KANK1: variants seen among roughly 807,000 people sequenced by gnomAD.
KANK1 encodes KN motif and ankyrin repeat domain-containing protein 1.
KANK1 carries 109 observed loss-of-function variants against 106.2 expected under a neutral mutation model. The ratio of observed to expected loss-of-function variants is 1.03; its 90% CI spans 0.88 to 1.20. The LOEUF is 1.20. Ranked by LOEUF, KANK1 falls within the 50% of genes most tolerant of loss-of-function variation. The pLI is 0.00. For missense variants in KANK1, 2,399 were observed against 1,710.7 expected (o/e 1.40, Z -7.10); for synonymous variants, 873 against 652.2 (o/e 1.34, Z -5.16).
chr9:581,085 A>T (rs1432645354), intron 1 of KANK1, among the ~76,000 whole-genome samples: 1 of 151,882 alleles, frequency 6.6e-6, no homozygotes, highest in Non-Finnish European at 1.5e-5. Flanking sequence ...ACCTACCCAG[A>T]ACTCCTGGCC....
At chr9:595,479 T>G (rs1825987330) in intron 1 of KANK1, among the ~76,000 whole-genome samples, 1 of 151,902 alleles carries the variant, frequency 6.6e-6, no homozygotes, top group Non-Finnish European at 1.5e-5. Flanking sequence ...CCTGCTGCGA[T>G]ATAGGGTGTG....
intron 1 of KANK1, among the ~76,000 whole-genome samples, chr9:523,015 C>T (rs1280679880): frequency 1.3e-5 from 2 of 151,686 alleles, no homozygotes; most frequent in Non-Finnish European, 2.9e-5. Flanking sequence ...AGTTCTTGAT[C>T]TCTTTTCTGT....
At chr9:700,083 T>C (rs1273628349) in intron 2 of KANK1, among the ~76,000 whole-genome samples, 1 of 152,222 alleles carries the variant, frequency 6.6e-6, no homozygotes, top group East Asian at 1.9e-4. Context: ...AGGAGAAGCA[T>C]TTCAGGCTTC....
At chr9:485,741 C>G (rs879409737) in intron 3 of KANK1, among the ~76,000 whole-genome samples, 15 of 151,932 alleles carry the variant, frequency 9.9e-5, no homozygotes, top group Non-Finnish European at 2.2e-4. Context: ...TGTGGTGGCG[C>G]ATGCCTGTAA....
At chr9:528,136 C>T (rs779152262) in intron 1 of KANK1, among the ~76,000 whole-genome samples, 25 of 141,938 alleles carry the variant, frequency 1.8e-4, no homozygotes, top group Admixed American at 5.7e-4. Flanking sequence ...GACTCCGTCT[C>T]GGGAAAAAAA....
At chr9:606,323 G>A (rs1054222066) in intron 1 of KANK1, among the ~76,000 whole-genome samples, 3 of 138,738 alleles carry the variant, frequency 2.2e-5, no homozygotes, top group East Asian at 3.9e-4. Flanking sequence ...TTGGGAGGCC[G>A]AGGTGGGCAA....
chr9:538,243 C>G (rs948853174), intron 1 of KANK1, among the ~76,000 whole-genome samples: 1 of 151,930 alleles, frequency 6.6e-6, no homozygotes, highest in African/African-American at 2.4e-5. Flanking sequence ...GATCGTGTTG[C>G]AAAAAATGGG....
intron 2 of KANK1, 37 bp downstream of exon 2, chr9:677,046 T>C: frequency 6.3e-7 from 1 of 1,589,048 alleles, no homozygotes. Flanking sequence ...GTTAAATGTA[T>C]GTCTTTTCTC....
At chr9:642,439 A>G (rs1400317365) in intron 1 of KANK1, among the ~76,000 whole-genome samples, 2 of 151,004 alleles carry the variant, frequency 1.3e-5, no homozygotes. Flanking sequence ...ACTAAAAACT[A>G]CAAGAAGAGT....
In KANK1 at chr9:712,746, T is replaced by A. The variant is rs775996882; in HGVS notation, c.1980T>A (p.Ala660=). 31 of 1,613,832 alleles carry A rather than the reference T, an allele frequency of 1.9e-5. 2 individuals are homozygous for A. In the South Asian group the frequency reaches 3.3e-4, roughly 17 times the overall value. ...CTGAGGCTGTTAGCCAGGTGGAAGC[T>A]GCCGTCATGGCAGTGCCTCGTACTG... The part of the protein sequence containing the change: ...VNTEAVSQVE[A]AVMAVPRTAD... Residue 660 remains alanine (A), a synonymous_variant, in exon 3 of 12, where the codon GCT becomes GCA. Coordinates refer to ENST00000382297, the MANE Select transcript of KANK1 (RefSeq NM_015158.5).
chr9:698,921 C>A (rs1821966345), intron 2 of KANK1, among the ~76,000 whole-genome samples: 4 of 152,188 alleles, frequency 2.6e-5, no homozygotes, highest in Admixed American at 2.6e-4. Context: ...CAATAGCTTA[C>A]CAATGCATCT....
At chr9:566,862 C>T (rs758600393) in intron 1 of KANK1, among the ~76,000 whole-genome samples, 1 of 152,130 alleles carries the variant, frequency 6.6e-6, no homozygotes, top group Non-Finnish European at 1.5e-5. Flanking sequence ...TTAATTAGAT[C>T]CCATTTGTCA....
intron 1 of KANK1, among the ~76,000 whole-genome samples, chr9:603,786 C>G (rs1303656378): frequency 6.6e-6 from 1 of 150,836 alleles, no homozygotes; most frequent in Admixed American, 6.6e-5. Flanking sequence ...CGAAACCCAC[C>G]CCGTCTCTAC....
chr9:709,157 C>T (rs912254062), intron 2 of KANK1, among the ~76,000 whole-genome samples: 1 of 152,180 alleles, frequency 6.6e-6, no homozygotes, highest in Non-Finnish European at 1.5e-5. Flanking sequence ...GGAGTCAACA[C>T]GGAGAAAACT....
In KANK1 at chr9:688,540, A is replaced by C. The variant is rs566510784; in HGVS notation, c.37+11531A>C. The stretch of plus-strand genomic sequence containing the variant: ...AGAATAGCTTGAACCCGAGAGGTGG[A>C]GGTCGCAGTGAGCCGAGATCTGCAC... On this transcript the variant is annotated intron_variant, in intron 2 of 11. Coordinates refer to ENST00000382297, the MANE Select transcript of KANK1 (RefSeq NM_015158.5). 7.5e-5 allele frequency among the ~76,000 whole-genome samples: 9 copies of C among 119,768 alleles called. No individual in the cohort carries two copies. In the East Asian group the frequency reaches 1.4e-3, roughly 19 times the overall value. The allele number at this position is 119,768 out of a possible 152,430, so 78.6% of individuals were successfully genotyped here.
At chr9:676,267 G>T (rs909219980) in intron 1 of KANK1, among the ~76,000 whole-genome samples, 1 of 152,150 alleles carries the variant, frequency 6.6e-6, no homozygotes, top group African/African-American at 2.4e-5. Flanking sequence ...AGATGGAGTT[G>T]CTCTGGTCCG....
At chr9:555,580 G>C (rs901234920) in intron 1 of KANK1, among the ~76,000 whole-genome samples, 1 of 152,164 alleles carries the variant, frequency 6.6e-6, no homozygotes, top group Non-Finnish European at 1.5e-5. Context: ...CCTTTGCTGC[G>C]TTTGTCTTCT....
chr9:744,465 G>A, intron 10 of KANK1, 26 bp from the exon 11 acceptor site: 2 of 1,605,810 alleles, frequency 1.2e-6, no homozygotes, highest in Admixed American at 1.7e-5. Flanking sequence ...ACCCAACATG[G>A]CTTGTTCTTT....
intron 1 of KANK1, among the ~76,000 whole-genome samples, chr9:569,533 C>T (rs988845890): frequency 2.6e-5 from 4 of 152,166 alleles, no homozygotes; most frequent in Non-Finnish European, 2.9e-5. Context: ...AGCAAGAAGG[C>T]CCTCACCAGA....
Sources: gnomAD v4.1 joint callset for allele counts (sites outside exome capture counted in the v4.1 genomes callset) on GRCh38, gnomAD v4.1.1 for gene constraint, MANE v1.5 for transcripts, NCBI Gene and HGNC (gene_info 2026-07-23, HGNC 2026-07-21) for gene names.